FBXL7: variants seen among roughly 807,000 people sequenced by gnomAD.
The protein encoded by FBXL7 is F-box and leucine rich repeat protein 7.
FBXL7 carries 12 observed loss-of-function variants against 38.3 expected under a neutral mutation model. The observed-to-expected ratio is 0.31, with a 90% CI of 0.20 to 0.51. The LOEUF is 0.51. Among genes scored for constraint, FBXL7 ranks in the 20% least tolerant of loss-of-function variants. The pLI is 0.98. For missense variants in FBXL7, 567 were observed against 676.4 expected (o/e 0.84, Z 1.79); for synonymous variants, 297 against 300.9 (o/e 0.99, Z 0.13).
At chr5:15,798,621 A>C (rs1035419901) in intron 2 of FBXL7, among the ~76,000 whole-genome samples, 1 of 152,232 alleles carries the variant, frequency 6.6e-6, no homozygotes, top group Non-Finnish European at 1.5e-5. Context: ...AATTGGAAGA[A>C]GACTTCTCAC....
chr5:15,630,934 C>CA (rs1179240879), intron 2 of FBXL7, among the ~76,000 whole-genome samples: 24 of 152,096 alleles, frequency 1.6e-4, no homozygotes, highest in African/African-American at 5.5e-4. Context: ...TACCTACCTC[C>CA]TGTGTTTTTT....
At chr5:15,537,029 C>T (rs970363709) in intron 1 of FBXL7, among the ~76,000 whole-genome samples, 1 of 152,186 alleles carries the variant, frequency 6.6e-6, no homozygotes, top group African/African-American at 2.4e-5. Flanking sequence ...CAGTTCCTTT[C>T]TCTTTGTCTC....
chr5:15,830,955 A>C (rs1338646435), intron 2 of FBXL7, among the ~76,000 whole-genome samples: 1 of 152,064 alleles, frequency 6.6e-6, no homozygotes, highest in East Asian at 2.0e-4. Context: ...TCCAATTATT[A>C]CATCTGGAGA....
intron 2 of FBXL7, among the ~76,000 whole-genome samples, chr5:15,885,053 C>CT (rs1432240768): frequency 2.0e-5 from 3 of 152,154 alleles, no homozygotes; most frequent in Non-Finnish European, 2.9e-5. Flanking sequence ...CACTGCTTGG[C>CT]GCCAGCTGCA....
At chr5:15,627,367 G>C (rs2126536063) in intron 2 of FBXL7, among the ~76,000 whole-genome samples, 1 of 152,262 alleles carries the variant, frequency 6.6e-6, no homozygotes, top group Admixed American at 6.5e-5. Flanking sequence ...TTTGCTGTGT[G>C]AGTAGTCAGT....
chr5:15,830,521 C>G (rs1480115798), intron 2 of FBXL7, among the ~76,000 whole-genome samples: 1 of 143,378 alleles, frequency 7.0e-6, no homozygotes, highest in Non-Finnish European at 1.5e-5. Context: ...CACACACACA[C>G]ACACGGAAAA....
chr5:15,804,117 G>A (rs187025286), intron 2 of FBXL7, among the ~76,000 whole-genome samples: 2 of 152,086 alleles, frequency 1.3e-5, no homozygotes, highest in African/African-American at 4.8e-5. Context: ...GTTAATTCCA[G>A]GATATTTTAC....
At chr5:15,905,341 G>T (rs1304680283) in intron 2 of FBXL7, among the ~76,000 whole-genome samples, 1 of 152,086 alleles carries the variant, frequency 6.6e-6, no homozygotes, top group Non-Finnish European at 1.5e-5. Flanking sequence ...AAAAGATGTG[G>T]TCTTTTTACC....
chr5:15,609,748 G>A (rs990301401), intron 1 of FBXL7, among the ~76,000 whole-genome samples: 1 of 152,152 alleles, frequency 6.6e-6, no homozygotes, highest in Non-Finnish European at 1.5e-5. Flanking sequence ...TGTGCTACCC[G>A]GCAGCTTGAT....
At chr5:15,785,987 G>A (rs1021750109) in intron 2 of FBXL7, among the ~76,000 whole-genome samples, 1 of 152,158 alleles carries the variant, frequency 6.6e-6, no homozygotes, top group Admixed American at 6.5e-5. Flanking sequence ...ATTCAAATTG[G>A]AATGGCTCCA....
chr5:15,670,826 A>T lies in FBXL7; in HGVS notation c.127+54754A>T, dbSNP rs561222003. Among the ~76,000 whole-genome samples the T allele has an allele frequency of 2.0e-3, 304 of 152,032 alleles. 2 individuals carry two copies. The highest frequency in any genetic ancestry group is 3.8e-3 in the Non-Finnish European group (256 of 67,968). On this transcript the variant is annotated intron_variant, in intron 2 of 3. Transcript: ENST00000504595. ...AAAAAAAATAAAAATAAAAATAAAA[A>T]AAAAATAAATAAAAAGTTAGTGGAA... is the stretch of plus-strand genomic sequence containing the variant.
Position 15,522,338 on chromosome 5 carries a change from C to T in FBXL7, c.37+21625C>T, listed in dbSNP as rs535887696. ...ATCTGTATGTATTTGATGGGTGTTTCTGGGCAGTGTGCCCAGTTTGGTTTA... is the reference window on the plus strand; with the variant it reads ...ATCTGTATGTATTTGATGGGTGTTTTTGGGCAGTGTGCCCAGTTTGGTTTA... On this transcript the variant is annotated intron_variant, in intron 1 of 3. Transcript: ENST00000504595. Among the ~76,000 whole-genome samples, 3 of 152,246 alleles carry T rather than the reference C, an allele frequency of 2.0e-5. No homozygotes were observed. The South Asian group carries it at 6.2e-4, about 32-fold the overall frequency.
chr5:15,542,469 A>G (rs1737781913), intron 1 of FBXL7, among the ~76,000 whole-genome samples: 1 of 152,212 alleles, frequency 6.6e-6, no homozygotes, highest in South Asian at 2.1e-4. Context: ...GCAATAACAA[A>G]TGATTTTCTG....
intron 1 of FBXL7, among the ~76,000 whole-genome samples, chr5:15,557,826 C>T (rs1390132349): frequency 2.6e-5 from 4 of 152,202 alleles, no homozygotes; most frequent in Non-Finnish European, 4.4e-5. Flanking sequence ...CCTCAGTTCT[C>T]ACTGCTCTCT....
At chr5:15,543,792 A>G (rs1460190603) in intron 1 of FBXL7, among the ~76,000 whole-genome samples, 1 of 152,206 alleles carries the variant, frequency 6.6e-6, no homozygotes, top group Non-Finnish European at 1.5e-5. Flanking sequence ...TGTTATATGC[A>G]TTTCTTTTAA....
At chr5:15,566,618 T>A (rs1463525973) in intron 1 of FBXL7, among the ~76,000 whole-genome samples, 1 of 152,140 alleles carries the variant, frequency 6.6e-6, no homozygotes, top group Non-Finnish European at 1.5e-5. Context: ...TCCAACATCA[T>A]AAATTACACA....
At chr5:15,674,587 T>A (rs1427223739) in intron 2 of FBXL7, among the ~76,000 whole-genome samples, 2 of 152,282 alleles carry the variant, frequency 1.3e-5, no homozygotes, top group East Asian at 1.9e-4. Context: ...TTATCATAAC[T>A]CATAGGGTTT....
chr5:15,894,210 G>C (rs1046856360), intron 2 of FBXL7, among the ~76,000 whole-genome samples: 1 of 152,202 alleles, frequency 6.6e-6, no homozygotes, highest in African/African-American at 2.4e-5. Flanking sequence ...GCGGTGAGCC[G>C]AGATCGCACC....
rs571468786 is a variant in FBXL7, at chr5:15,583,363, T to C, written c.38-32620T>C. Among the ~76,000 whole-genome samples the C allele has an allele frequency of 3.2e-4, 48 of 152,274 alleles. 1 individual carries two copies. The South Asian group carries it at 8.7e-3, about 28-fold the overall frequency. Reference sequence around the variant, plus strand: ...ATCTCTTTCCAACATTCCCCCAAAGTCTTAACCCATGTCAGCATTAATTCA... The same window carrying C: ...ATCTCTTTCCAACATTCCCCCAAAGCCTTAACCCATGTCAGCATTAATTCA... On this transcript the variant is annotated intron_variant, in intron 1 of 3. Coordinates refer to ENST00000504595, the MANE Select transcript of FBXL7 (RefSeq NM_012304.5).
Sources: gnomAD v4.1 joint callset for allele counts (sites outside exome capture counted in the v4.1 genomes callset) on GRCh38, gnomAD v4.1.1 for gene constraint, MANE v1.5 for transcripts, NCBI Gene and HGNC (gene_info 2026-07-23, HGNC 2026-07-21) for gene names.